FAM83B: variants seen among roughly 807,000 people sequenced by gnomAD.
FAM83B encodes scaffolding CK1 anchoring protein B, also known as protein FAM83B.
In FAM83B, 26 loss-of-function variants were observed where a neutral mutation model predicts 38.8. The ratio of observed to expected loss-of-function variants is 0.67; its 90% CI spans 0.49 to 0.93. The LOEUF is 0.93. Ranked by LOEUF, FAM83B falls within the 40% of genes least tolerant of loss-of-function variation. The pLI is 0.00. For synonymous variants in FAM83B, 419 were observed against 423.1 expected, an observed-to-expected ratio of 0.99 and a Z score of 0.12; for missense variants, 1,237 against 1,197.3, an observed-to-expected ratio of 1.03 and a Z score of -0.49.
At chr6:54,910,298 C>T (rs999359820) in intron 2 of FAM83B, among the ~76,000 whole-genome samples, 1 of 152,196 alleles carries the variant, frequency 6.6e-6, no homozygotes, top group Non-Finnish European at 1.5e-5. Context: ...CTCATGTACC[C>T]AACCATCCAA....
At position 54,909,440 on chromosome 6, in the gene FAM83B, C is replaced by T. The variant is rs182107356; in HGVS notation, c.445-16931C>T. Reference sequence around the variant, plus strand: ...GAAACCGCAATTACTTCTGCACCAACCTAATACCATGAGAGATTTCTGAGG... The same window carrying T: ...GAAACCGCAATTACTTCTGCACCAATCTAATACCATGAGAGATTTCTGAGG... On this transcript the variant is annotated intron_variant, in intron 2 of 4. Coordinates refer to ENST00000306858, the MANE Select transcript of FAM83B (RefSeq NM_001010872.3). Among the ~76,000 whole-genome samples the T allele has an allele frequency of 2.8e-3, 428 of 152,166 alleles. 2 individuals are homozygous for T. Among genetic ancestry groups the T allele is most frequent in the African/African-American group, 9.8e-3 (406 of 41,520 alleles).
At chr6:54,869,855 T>A (rs973033915) in intron 1 of FAM83B, among the ~76,000 whole-genome samples, 1 of 152,220 alleles carries the variant, frequency 6.6e-6, no homozygotes, top group Admixed American at 6.5e-5. Flanking sequence ...TAACATTACA[T>A]CTAGCATATT....
chr6:54,937,934 A>G (rs1773559189), intron 4 of FAM83B, among the ~76,000 whole-genome samples: 1 of 151,830 alleles, frequency 6.6e-6, no homozygotes, highest in Non-Finnish European at 1.5e-5. Flanking sequence ...GGTTGCATGG[A>G]TAAGTTCTTT....
intron 2 of FAM83B, among the ~76,000 whole-genome samples, chr6:54,877,876 T>G (rs1040098233): frequency 6.6e-6 from 1 of 152,184 alleles, no homozygotes. Context: ...GAAGACCTGG[T>G]TGAGAGGGTC....
intron 2 of FAM83B, among the ~76,000 whole-genome samples, chr6:54,895,472 T>A (rs1408784234): frequency 6.6e-6 from 1 of 152,182 alleles, no homozygotes; most frequent in Non-Finnish European, 1.5e-5. Flanking sequence ...TTTTTACTAC[T>A]TTTTAAACTT....
chr6:54,932,807 T>A (rs1294621792), intron 4 of FAM83B, among the ~76,000 whole-genome samples: 1 of 152,192 alleles, frequency 6.6e-6, no homozygotes, highest in Non-Finnish European at 1.5e-5. Context: ...CTGCAAACTT[T>A]CTGCTGAGAA....
Position 54,940,922 on chromosome 6 carries a change from C to A in FAM83B, c.1951C>A (p.Leu651Ile). ...TLGVNKQTEN[L>I]KNQQTENLLK... ...GGGTGTAAATAAGCAGACAGAAAAT[C>A]TAAAGAATCAACAGACTGAGAATCT... Residue 651 changes from leucine to isoleucine, a missense_variant, in exon 5 of 5, where the codon CTA becomes ATA. Physicochemically the swap from Leu to Ile is conservative, Grantham distance 5. Transcript: ENST00000306858. 6.2e-7 allele frequency: 1 copy of A among 1,613,214 alleles called. No homozygotes were observed. Among genetic ancestry groups the A allele is most frequent in the Non-Finnish European group, 8.5e-7 (1 of 1,179,836 alleles).
chr6:54,851,271 T>C (rs1771279395), intron 1 of FAM83B, among the ~76,000 whole-genome samples: 1 of 151,928 alleles, frequency 6.6e-6, no homozygotes, highest in Admixed American at 6.6e-5. Flanking sequence ...TTTTCTTTTA[T>C]GCTTCTCTTC....
intron 2 of FAM83B, among the ~76,000 whole-genome samples, chr6:54,911,140 C>CGTGTGT (rs138421344): frequency 0.074 from 10,840 of 147,410 alleles, 1,017 homozygotes; most frequent in African/African-American, 0.22. Flanking sequence ...TGACACACAG[C>CGTGTGT]GTGTGTGTGT....
intron 2 of FAM83B, among the ~76,000 whole-genome samples, chr6:54,912,804 A>C (rs2127584985): frequency 6.6e-6 from 1 of 152,118 alleles, no homozygotes; most frequent in South Asian, 2.1e-4. Flanking sequence ...TGAAAGTGAA[A>C]AATAATGCAT....
rs1053147486 is a variant in FAM83B, at chr6:54,937,418, G to T, written c.735-2288G>T. On this transcript the variant is annotated intron_variant, in intron 4 of 4. Transcript: ENST00000306858. ...AAGATCCTGATTGGCATTTTGACTG[G>T]CATGGTTTCTGAAGCCTGCATTTAC... Among the ~76,000 whole-genome samples the T allele has an allele frequency of 2.0e-5, 3 of 151,950 alleles. No individual in the cohort carries two copies. In the South Asian group the frequency reaches 6.2e-4, roughly 32 times the overall value.
chr6:54,851,682 C>T (rs1450201846), intron 1 of FAM83B, among the ~76,000 whole-genome samples: 1 of 134,872 alleles, frequency 7.4e-6, no homozygotes, highest in Non-Finnish European at 1.6e-5. Context: ...GAGTCTCGCT[C>T]TGTCGCCCAG....
At chr6:54,937,220 A>C (rs1323189507) in intron 4 of FAM83B, among the ~76,000 whole-genome samples, 1 of 151,666 alleles carries the variant, frequency 6.6e-6, no homozygotes, top group African/African-American at 2.4e-5. Flanking sequence ...TTTATTTTTC[A>C]GTTCAGTTGA....
At chr6:54,868,030 G>A (rs565310762) in intron 1 of FAM83B, among the ~76,000 whole-genome samples, 1 of 152,164 alleles carries the variant, frequency 6.6e-6, no homozygotes, top group African/African-American at 2.4e-5. Flanking sequence ...ATAAACCTTA[G>A]GAAACTGTAA....
intron 1 of FAM83B, among the ~76,000 whole-genome samples, chr6:54,867,070 T>C (rs16886088): frequency 1.3e-5 from 2 of 151,698 alleles, no homozygotes; most frequent in African/African-American, 4.8e-5. Context: ...TCAGCTTACA[T>C]GGCATAGTGA....
At chr6:54,885,605 T>G (rs1473694752) in intron 2 of FAM83B, among the ~76,000 whole-genome samples, 1 of 152,148 alleles carries the variant, frequency 6.6e-6, no homozygotes, top group Non-Finnish European at 1.5e-5. Flanking sequence ...TTTCAAATCT[T>G]TTGACTGCCG....
At chr6:54,862,550 A>G (rs1207122410) in intron 1 of FAM83B, among the ~76,000 whole-genome samples, 1 of 152,130 alleles carries the variant, frequency 6.6e-6, no homozygotes, top group Non-Finnish European at 1.5e-5. Context: ...GAGAGGCTAG[A>G]TGGATCAGCA....
rs375679054 is a variant in FAM83B, at chr6:54,940,361, C to T, written c.1390C>T (p.Arg464Trp). 13 of 1,613,940 alleles carry T rather than the reference C, an allele frequency of 8.1e-6. No homozygotes were observed. The highest frequency in any genetic ancestry group is 4.5e-5 in the East Asian group (2 of 44,878). ...TCTTGCAGACAGGAATTCAAATGTT[C>T]GGAGGTCTTTTAATGGGACAGATAA... ...TNLADRNSNV[R>W]RSFNGTDNHI... The change falls in exon 5 of 5, where the codon CGG becomes TGG. Residue 464 changes from arginine (R) to tryptophan (W), a missense_variant. By Grantham distance (101) the Arg-to-Trp change is moderately radical. Coordinates refer to ENST00000306858, the MANE Select transcript of FAM83B (RefSeq NM_001010872.3).
intron 2 of FAM83B, among the ~76,000 whole-genome samples, chr6:54,885,421 C>A (rs1772251244): frequency 6.6e-6 from 1 of 151,374 alleles, no homozygotes; most frequent in South Asian, 2.1e-4. Context: ...TTAATTTTTT[C>A]TTTTTTACTA....
Sources: allele counts gnomAD v4.1 joint callset (sites outside exome capture counted in the v4.1 genomes callset), GRCh38; gene constraint gnomAD v4.1.1; transcripts MANE v1.5; gene names NCBI Gene and HGNC (gene_info 2026-07-23, HGNC 2026-07-21).